RBFOX1: variants seen among roughly 807,000 people sequenced by gnomAD.
RBFOX1 encodes RNA binding fox-1 homolog 1.
In RBFOX1, 8 loss-of-function variants were observed where a neutral mutation model predicts 57.7. The observed-to-expected ratio is 0.14, with a 90% confidence interval of 0.08 to 0.25. The LOEUF (loss-of-function observed/expected upper bound fraction) is 0.25, where lower values mean the gene tolerates loss of function less well. Among genes scored for constraint, RBFOX1 ranks in the 10% least tolerant of loss-of-function variants. The probability of loss-of-function intolerance (pLI) is 1.00; values close to 1 mark genes in which losing one functional copy is unlikely to be tolerated. For synonymous variants in RBFOX1, 326 were observed against 222.4 expected (o/e 1.47, Z -4.15); for missense variants, 611 against 548.5 (o/e 1.11, Z -1.14).
intron 2 of RBFOX1, among the ~76,000 whole-genome samples, chr16:6,376,375 C>A (rs1466886531): frequency 6.6e-6 from 1 of 152,154 alleles, no homozygotes; most frequent in Non-Finnish European, 1.5e-5. Context: ...AGCAGACATC[C>A]ATTCTCTTGC....
chr16:6,737,738 A>G (rs1254177542), intron 3 of RBFOX1, among the ~76,000 whole-genome samples: 1 of 152,202 alleles, frequency 6.6e-6, no homozygotes, highest in African/African-American at 2.4e-5. Context: ...CACAAATGAT[A>G]TATGGGATTT....
chr16:7,686,418 C>A (rs2076081640), intron 14 of RBFOX1, among the ~76,000 whole-genome samples: 1 of 152,038 alleles, frequency 6.6e-6, no homozygotes, highest in Non-Finnish European at 1.5e-5. Flanking sequence ...GCTTAGGCCA[C>A]CACACATGCA....
chr16:6,122,789 G>A (rs898584244), intron 1 of RBFOX1, among the ~76,000 whole-genome samples: 1 of 125,870 alleles, frequency 7.9e-6, no homozygotes, highest in African/African-American at 3.3e-5. Context: ...GATCTGTGTG[G>A]CTATGTGTGT....
intron 11 of RBFOX1, among the ~76,000 whole-genome samples, chr16:7,650,034 G>A: frequency 1.1e-5 from 1 of 87,458 alleles, no homozygotes; most frequent in East Asian, 4.1e-4. Context: ...GAAAGAGGGA[G>A]GGAAGGACAG....
chr16:7,319,906 TG>T (rs2096514854), intron 4 of RBFOX1, among the ~76,000 whole-genome samples: 1 of 152,128 alleles, frequency 6.6e-6, no homozygotes, highest in African/African-American at 2.4e-5. Flanking sequence ...AAAGACTGGA[TG>T]AGTCAAAGTG....
At chr16:5,562,023 A>T (rs958402808) in intron 2 of RBFOX1, among the ~76,000 whole-genome samples, 1 of 152,122 alleles carries the variant, frequency 6.6e-6, no homozygotes, top group Admixed American at 6.5e-5. Flanking sequence ...AGACACAGGG[A>T]AACTTGTCTT....
intron 4 of RBFOX1, among the ~76,000 whole-genome samples, chr16:5,969,279 G>A (rs1376728190): frequency 7.2e-6 from 1 of 139,240 alleles, no homozygotes; most frequent in African/African-American, 2.7e-5. Flanking sequence ...AGGTATGCCT[G>A]TGATTATTTT....
rs1004911922 is a variant in RBFOX1, at chr16:6,829,392, T to C, written c.-16+174742T>C. ...ACACACATACATACACAGACACACA[T>C]AGATATATAGAACGATTGTAAAAGG... is the stretch of plus-strand genomic sequence containing the variant. On this transcript the variant is annotated intron_variant, in intron 3 of 15. Coordinates refer to ENST00000550418, the MANE Select transcript of RBFOX1 (RefSeq NM_018723.4). Among the ~76,000 whole-genome samples, 10 of 150,962 alleles carry C rather than the reference T, an allele frequency of 6.6e-5. 1 individual carries two copies. In the East Asian group the frequency reaches 1.2e-3, roughly 18 times the overall value.
chr16:5,331,189 T>C (rs1303219162), intron 1 of RBFOX1, among the ~76,000 whole-genome samples: 1 of 152,154 alleles, frequency 6.6e-6, no homozygotes, highest in Non-Finnish European at 1.5e-5. Context: ...GAATTGGACA[T>C]TGGTTATTTA....
At chr16:6,959,394 G>C (rs1228625336) in intron 3 of RBFOX1, among the ~76,000 whole-genome samples, 4 of 152,138 alleles carry the variant, frequency 2.6e-5, no homozygotes, top group South Asian at 2.1e-4. Context: ...TCGTTTTGTG[G>C]GGTTTCTAAG....
intron 3 of RBFOX1, among the ~76,000 whole-genome samples, chr16:6,900,661 C>T (rs1048509414): frequency 6.6e-6 from 1 of 152,194 alleles, no homozygotes; most frequent in Non-Finnish European, 1.5e-5. Context: ...TTGACCTCGT[C>T]CCACCAACAT....
chr16:7,617,793 C>T (rs1243981864), intron 10 of RBFOX1, among the ~76,000 whole-genome samples: 4 of 152,082 alleles, frequency 2.6e-5, no homozygotes, highest in South Asian at 2.1e-4. Flanking sequence ...ACTGTCAATG[C>T]GGGTATAGTA....
At chr16:6,969,543 T>A (rs2085050830) in intron 3 of RBFOX1, among the ~76,000 whole-genome samples, 1 of 151,896 alleles carries the variant, frequency 6.6e-6, no homozygotes, top group South Asian at 2.1e-4. Flanking sequence ...GAGACCACAC[T>A]GGGCAACAAA....
chr16:6,466,255 T>G (rs186950787), intron 2 of RBFOX1, among the ~76,000 whole-genome samples: 3 of 151,756 alleles, frequency 2.0e-5, no homozygotes, highest in African/African-American at 7.2e-5. Context: ...GATTAAGGAT[T>G]AAAAAAAATT....
At chr16:6,902,567 C>G (rs529786049) in intron 3 of RBFOX1, among the ~76,000 whole-genome samples, 1 of 152,188 alleles carries the variant, frequency 6.6e-6, no homozygotes, top group East Asian at 1.9e-4. Flanking sequence ...ACTAAAAATA[C>G]AAAAATTGGC....
intron 1 of RBFOX1, among the ~76,000 whole-genome samples, chr16:6,149,494 A>C (rs1567564580): frequency 1.3e-5 from 2 of 152,218 alleles, no homozygotes; most frequent in African/African-American, 4.8e-5. Context: ...GTGATGGGAC[A>C]TGCATTTTCA....
chr16:5,594,058 A>G (rs2047100939), intron 2 of RBFOX1, among the ~76,000 whole-genome samples: 1 of 151,334 alleles, frequency 6.6e-6, no homozygotes, highest in Non-Finnish European at 1.5e-5. Context: ...GGAGCTTTGC[A>G]CAATGTTGGT....
intron 1 of RBFOX1, among the ~76,000 whole-genome samples, chr16:6,112,953 C>T (rs1052132108): frequency 3.9e-5 from 6 of 152,112 alleles, no homozygotes; most frequent in African/African-American, 1.4e-4. Context: ...TTCATTTGGG[C>T]CTAGAAATGG....
chr16:5,821,987 ACATT>A (rs1303426363), intron 3 of RBFOX1, among the ~76,000 whole-genome samples: 14 of 152,338 alleles, frequency 9.2e-5, no homozygotes, highest in Non-Finnish European at 1.9e-4. Flanking sequence ...GGGGACACAA[ACATT>A]CAGAGCATAT....
Sources: gnomAD v4.1 joint callset for allele counts (sites outside exome capture counted in the v4.1 genomes callset) on GRCh38, gnomAD v4.1.1 for gene constraint, MANE v1.5 for transcripts, NCBI Gene and HGNC (gene_info 2026-07-23, HGNC 2026-07-21) for gene names.